The following MLLT6 variants were observed in gnomAD, a reference collection of about 807,000 sequenced individuals.
MLLT6 encodes the protein MLLT6, PHD finger containing, also known as protein AF-17.
In MLLT6, 22 loss-of-function variants were observed where a neutral mutation model predicts 103.0. The observed-to-expected ratio is 0.21, with a 90% CI of 0.15 to 0.31. The LOEUF is 0.31. MLLT6 is among the 10% of genes least tolerant of loss of function. The probability of loss-of-function intolerance (pLI) is 1.00; values close to 1 mark genes in which losing one functional copy is unlikely to be tolerated. For synonymous variants in MLLT6, 606 were observed against 623.5 expected (o/e 0.97, Z 0.42); for missense variants, 1,199 against 1,441.7 (o/e 0.83, Z 2.73).
rs1905047838 is a variant in MLLT6 at position 38,709,058 on chromosome 17, G to A, written c.355-115G>A. 2 of 771,698 alleles carry A rather than the reference G, an allele frequency of 2.6e-6. No individual in the cohort carries two copies. The highest frequency in any genetic ancestry group is 3.5e-5 in the African/African-American group (2 of 57,660). 47.8% of individuals were successfully genotyped at this position (771,698 alleles called of 1,614,324 possible). On this transcript the variant is annotated intron_variant, in intron 4 of 19. Transcript: ENST00000621332. The surrounding 1 kb of genome is among the most constrained non-coding windows in gnomAD (Gnocchi z 4.3). ...TTTTCATCACTGCAGACAGTTCTGT[G>A]GGATAGCACTGATCTAAGACTGTAG... is the stretch of plus-strand genomic sequence containing the variant.
chr17:38,715,457 G>C (rs968606292), intron 8 of MLLT6, 155 bp from the exon 9 acceptor site: 20 of 1,318,934 alleles, frequency 1.5e-5, no homozygotes, highest in Middle Eastern at 2.7e-4. Flanking sequence ...TGGTCTAGGA[G>C]CTCCTGGCCA....
At chr17:38,723,365 G>A (rs144680061) in intron 18 of MLLT6, among the ~76,000 whole-genome samples, 7 of 152,182 alleles carry the variant, frequency 4.6e-5, no homozygotes, top group African/African-American at 9.6e-5. Flanking sequence ...GGTGGTGCAC[G>A]CCTGTAGTCC....
chr17:38,729,428 G>T lies in MLLT6; in HGVS notation c.*3830G>T. The T allele has an allele frequency of 4.3e-6, 1 of 233,602 alleles. No homozygotes were observed. Among genetic ancestry groups the T allele is most frequent in the Non-Finnish European group, 8.5e-6 (1 of 118,052 alleles). 14.5% of individuals were successfully genotyped at this position (233,602 alleles called of 1,614,324 possible). On this transcript the variant is annotated 3_prime_UTR_variant, in exon 20 of 20. Transcript: ENST00000621332. The stretch of plus-strand genomic sequence containing the variant: ...CTACTGAAAAGTTGGGAACTGAGGG[G>T]TGCCTTCATTCCCCTTTGTTCACTT...
At chr17:38,712,619 T>C in intron 7 of MLLT6, 72 bp from the exon 8 acceptor site, 2 of 990,278 alleles carry the variant, frequency 2.0e-6, no homozygotes, top group Non-Finnish European at 3.2e-6. Context: ...CAGCTCCCCA[T>C]ACCCACATGT....
At chr17:38,715,474 G>A in intron 8 of MLLT6, 138 bp from the exon 9 acceptor site, 1 of 1,404,876 alleles carries the variant, frequency 7.1e-7, no homozygotes, top group South Asian at 1.6e-5. Context: ...GCCACTCCCT[G>A]CCCGGAAGTC....
rs1246342691 is a variant in MLLT6, at chr17:38,720,580, C to T, written c.2353+11C>T. ...GCCTGCCTCCCCAAGGTGAGGGGATCCTGCCCAGCCCGGGAGAGAGGCCCG... is the reference window on the plus strand; with the variant it reads ...GCCTGCCTCCCCAAGGTGAGGGGATTCTGCCCAGCCCGGGAGAGAGGCCCG... On this transcript the variant is annotated intron_variant, in intron 15 of 19. Coordinates refer to ENST00000621332, the MANE Select transcript of MLLT6 (RefSeq NM_005937.4). 21 of 1,612,386 alleles carry T rather than the reference C, an allele frequency of 1.3e-5. No individual in the cohort carries two copies. Among genetic ancestry groups the T allele is most frequent in the Non-Finnish European group, 1.8e-5 (21 of 1,179,726 alleles).
Position 38,716,704 on chromosome 17 carries a change from C to A in MLLT6, c.1374C>A (p.Thr458=), listed in dbSNP as rs150148479. ...CCACCCCTGTGCCTGCTGATGAGAC[C>A]CCTGAGACAGGCCTGAAGGAGAAGA... ...LSATPVPADE[T]PETGLKEKKH... Residue 458 remains threonine, a synonymous_variant, in exon 10 of 20, where the codon ACC becomes ACA. Transcript: ENST00000621332. The surrounding 1 kb of genome is among the most constrained non-coding windows in gnomAD (Gnocchi z 5.6). 4 of 1,611,926 alleles carry A rather than the reference C, an allele frequency of 2.5e-6. No individual in the cohort carries two copies. The African/African-American group carries it at 5.3e-5, about 22-fold the overall frequency.
rs1420545937 is a variant in MLLT6 at position 38,726,737 on chromosome 17, G to C, written c.*1139G>C. ...TGGCACAAGGGGAGCCCCAGGGCTTGGGGGAGGGCGTAAGGTGGGGGGAAA... is the reference window on the plus strand; with the variant it reads ...TGGCACAAGGGGAGCCCCAGGGCTTCGGGGAGGGCGTAAGGTGGGGGGAAA... On this transcript the variant is annotated 3_prime_UTR_variant, in exon 20 of 20. Transcript: ENST00000621332. The C allele has an allele frequency of 4.3e-6, 1 of 233,430 alleles. No individual in the cohort carries two copies. The highest frequency in any genetic ancestry group is 8.5e-6 in the Non-Finnish European group (1 of 118,054). The allele number at this position is 233,430 out of a possible 1,614,324, so 14.5% of individuals were successfully genotyped here.
intron 4 of MLLT6, chr17:38,708,078 C>T (rs961451590): frequency 3.4e-6 from 2 of 581,374 alleles, no homozygotes; most frequent in African/African-American, 1.9e-5. Context: ...GGCTCCCCTG[C>T]AGTAGTTCTG....
In MLLT6 at chr17:38,719,843, T is replaced by C. The variant is rs1905593837; in HGVS notation, c.2103T>C (p.Thr701=). The C allele has an allele frequency of 6.2e-6, 10 of 1,611,224 alleles. No individual in the cohort carries two copies. The highest frequency in any genetic ancestry group is 6.8e-6 in the Non-Finnish European group (8 of 1,179,094). Reference sequence around the variant, plus strand: ...TAGACCCGGCGGCCCCAGGGACGACTAACATGGAGCAGCTTCTGGAGAAGC... The same window carrying C: ...TAGACCCGGCGGCCCCAGGGACGACCAACATGGAGCAGCTTCTGGAGAAGC... ...GQLDPAAPGT[T]NMEQLLEKQG... Residue 701 remains threonine (T), a synonymous_variant, in exon 14 of 20, where the codon ACT becomes ACC. Coordinates refer to ENST00000621332, the MANE Select transcript of MLLT6 (RefSeq NM_005937.4).
rs758247253 is a variant in MLLT6 at position 38,719,805 on chromosome 17, G to C, written c.2065G>C (p.Gly689Arg). ...LFDQTASAPC[G>R]GGQLDPAAPG... is the part of the protein sequence containing the mutation. ...CGACCAGACAGCCTCTGCACCCTGTGGGGGCGGCCAGTTAGACCCGGCGGC... is the reference window on the plus strand; with the variant it reads ...CGACCAGACAGCCTCTGCACCCTGTCGGGGCGGCCAGTTAGACCCGGCGGC... The change falls in exon 14 of 20, where the codon GGG becomes CGG. Residue 689 changes from glycine to arginine, a missense_variant. Transcript: ENST00000621332. 1.2e-6 allele frequency: 2 copies of C among 1,613,402 alleles called. No homozygotes were observed. The highest frequency in any genetic ancestry group is 1.7e-5 in the Admixed American group (1 of 59,990).
intron 7 of MLLT6, chr17:38,712,218 G>T: frequency 1.7e-6 from 1 of 583,922 alleles, no homozygotes; most frequent in Non-Finnish European, 2.2e-6. Context: ...CTGTGTTAGT[G>T]GTTCCTCTGG....
rs930684700 is a variant in MLLT6 at position 38,716,944 on chromosome 17, G to T, written c.1614G>T (p.Leu538Phe). 5 of 1,613,688 alleles carry T rather than the reference G, an allele frequency of 3.1e-6. No individual in the cohort carries two copies. In the African/African-American group the frequency reaches 5.3e-5, roughly 17 times the overall value. Residue 538 changes from leucine to phenylalanine, a missense_variant, in exon 10 of 20, where the codon TTG (leucine) becomes TTT (phenylalanine). Physicochemically the swap from Leu to Phe is conservative, Grantham distance 22. Coordinates refer to ENST00000621332, the MANE Select transcript of MLLT6 (RefSeq NM_005937.4). This position sits in a 1 kb window ranked among gnomAD's most constrained non-coding sequence, Gnocchi z 5.6. Reference protein sequence around the residue: ...SSRTFGPSGSLPSLSLESPLL... With the variant: ...SSRTFGPSGSFPSLSLESPLL... ...GAACCTTTGGGCCTTCTGGGAGCTT[G>T]CCCAGCTTGAGCCTGGAGTCCCCCT...
At chr17:38,725,260 A>G in intron 19 of MLLT6, 1 of 530,278 alleles carries the variant, frequency 1.9e-6, no homozygotes, top group Non-Finnish European at 3.3e-6. Flanking sequence ...TTCTCATCCG[A>G]CCAATTAGAA....
rs1444578029 is a variant in MLLT6 at position 38,726,350 on chromosome 17, TGTGA to T, written c.*756_*759del. On this transcript the variant is annotated 3_prime_UTR_variant, in exon 20 of 20. Coordinates refer to ENST00000621332, the MANE Select transcript of MLLT6 (RefSeq NM_005937.4). ...GGAGATGGAGCTGCCCGTCTCAGTG[TGTGA>T]GTGTGTGTGTGCGTGCATGTGTGTG... 25 of 233,546 alleles carry T rather than the reference TGTGA, an allele frequency of 1.1e-4. No individual in the cohort carries two copies. Among genetic ancestry groups the T allele is most frequent in the East Asian group, 7.8e-4 (13 of 16,562 alleles). The allele number at this position is 233,546 out of a possible 1,614,324, so 14.5% of individuals were successfully genotyped here.
At position 38,709,395 on chromosome 17, in the gene MLLT6, C is replaced by T. The variant is rs538956489; in HGVS notation, c.459-87C>T. On this transcript the variant is annotated intron_variant, in intron 5 of 19. Coordinates refer to ENST00000621332, the MANE Select transcript of MLLT6 (RefSeq NM_005937.4). This position sits in a 1 kb window ranked among gnomAD's most constrained non-coding sequence, Gnocchi z 4.3. ...GCAATGCTTTGGATGGTCTTGGCTT[C>T]GCCTCAGCAGGGGGCCAGGAGGGTG... is the stretch of plus-strand genomic sequence containing the variant. The T allele has an allele frequency of 3.6e-5, 52 of 1,434,224 alleles. No individual in the cohort carries two copies. The African/African-American group carries it at 5.5e-4, about 15-fold the overall frequency. The allele number at this position is 1,434,224 out of a possible 1,614,324, so 88.8% of individuals were successfully genotyped here.
chr17:38,722,245 C>A lies in MLLT6; in HGVS notation c.2792+18C>A, dbSNP rs548577939. 17 of 1,366,518 alleles carry A rather than the reference C, an allele frequency of 1.2e-5. No homozygotes were observed. The highest frequency in any genetic ancestry group is 1.6e-5 in the Non-Finnish European group (17 of 1,064,368). 84.6% of individuals were successfully genotyped at this position (1,366,518 alleles called of 1,614,324 possible). ...CTCAACAGGTGAGGGAGAGCTCAGC[C>A]CTGGGAAGGGGAACAGGGTGGGGGG... On this transcript the variant is annotated intron_variant, in intron 17 of 19. Coordinates refer to ENST00000621332, the MANE Select transcript of MLLT6 (RefSeq NM_005937.4).
intron 17 of MLLT6, 50 bp from the exon 18 acceptor site, chr17:38,722,627 TC>T: frequency 3.3e-6 from 2 of 610,694 alleles, no homozygotes; most frequent in Non-Finnish European, 5.7e-6. Context: ...TCCCTGGCCC[TC>T]CCCCATGGTC....
Position 38,720,577 on chromosome 17 carries a change from G to C in MLLT6, c.2353+8G>C. ...ATGGCCTGCCTCCCCAAGGTGAGGGGATCCTGCCCAGCCCGGGAGAGAGGC... is the reference window on the plus strand; with the variant it reads ...ATGGCCTGCCTCCCCAAGGTGAGGGCATCCTGCCCAGCCCGGGAGAGAGGC... On this transcript the variant is annotated splice_region_variant and intron_variant, in intron 15 of 19. Coordinates refer to ENST00000621332, the MANE Select transcript of MLLT6 (RefSeq NM_005937.4). 1 of 1,612,498 alleles carries C rather than the reference G, an allele frequency of 6.2e-7. No homozygotes were observed. Among genetic ancestry groups the C allele is most frequent in the East Asian group, 2.2e-5 (1 of 44,848 alleles).
Sources: allele counts gnomAD v4.1 joint callset (sites outside exome capture counted in the v4.1 genomes callset), GRCh38; gene constraint gnomAD v4.1.1; non-coding constraint Gnocchi (gnomAD v3.1); transcripts MANE v1.5; gene names NCBI Gene and HGNC (gene_info 2026-07-23, HGNC 2026-07-21).